INSC: variants seen among roughly 807,000 people sequenced by gnomAD.
INSC encodes the protein protein inscuteable homolog.
In INSC, 67 loss-of-function variants were observed where a neutral mutation model predicts 58.6. That is an observed-to-expected ratio of 1.14 (90% CI 0.94 to 1.40). The LOEUF is 1.40. INSC is among the 40% of genes most tolerant of loss of function. The probability of loss-of-function intolerance (pLI) is 0.00; values close to 1 mark genes in which losing one functional copy is unlikely to be tolerated. For synonymous variants in INSC, 262 were observed against 276.1 expected, an observed-to-expected ratio of 0.95 and a Z score of 0.51; for missense variants, 714 against 692.0, an observed-to-expected ratio of 1.03 and a Z score of -0.36.
At chr11:15,237,977 A>T (rs1317960499) in intron 10 of INSC, among the ~76,000 whole-genome samples, 1 of 152,114 alleles carries the variant, frequency 6.6e-6, no homozygotes, top group Non-Finnish European at 1.5e-5. Flanking sequence ...TCCTTGGGTC[A>T]TGTCTGGCTT....
At chr11:15,161,724 G>A (rs555731504) in intron 2 of INSC, among the ~76,000 whole-genome samples, 9 of 152,248 alleles carry the variant, frequency 5.9e-5, no homozygotes, top group South Asian at 2.1e-4. Flanking sequence ...AGAATTGCCC[G>A]CCACTTACGT....
chr11:15,216,741 C>T (rs1428088821), intron 7 of INSC, among the ~76,000 whole-genome samples: 1 of 152,106 alleles, frequency 6.6e-6, no homozygotes, highest in East Asian at 1.9e-4. Flanking sequence ...AGCTGAGGTT[C>T]CTGGTGAGGT....
intron 2 of INSC, among the ~76,000 whole-genome samples, chr11:15,167,374 TTC>T (rs1849236595): frequency 6.6e-6 from 1 of 152,090 alleles, no homozygotes; most frequent in Admixed American, 6.6e-5. Flanking sequence ...TACTAATTTG[TTC>T]TATGTTTTCT....
intron 12 of INSC, among the ~76,000 whole-genome samples, chr11:15,245,561 A>G (rs1027879388): frequency 6.6e-6 from 1 of 152,172 alleles, no homozygotes; most frequent in Admixed American, 6.5e-5. Context: ...AGTGCTTTCT[A>G]TAGCACCTTG....
At chr11:15,231,189 C>G (rs1474572432) in intron 9 of INSC, among the ~76,000 whole-genome samples, 1 of 152,166 alleles carries the variant, frequency 6.6e-6, no homozygotes, top group Non-Finnish European at 1.5e-5. Flanking sequence ...TCCCTTAGAT[C>G]CCTTAATTCT....
intron 7 of INSC, among the ~76,000 whole-genome samples, chr11:15,212,226 T>C (rs976427403): frequency 6.6e-6 from 1 of 152,110 alleles, no homozygotes; most frequent in Non-Finnish European, 1.5e-5. Context: ...CTCAGCCTCC[T>C]GAGTAGCTAG....
At chr11:15,220,204 C>T (rs780605643) in intron 7 of INSC, among the ~76,000 whole-genome samples, 4 of 152,166 alleles carry the variant, frequency 2.6e-5, no homozygotes, top group Non-Finnish European at 4.4e-5. Flanking sequence ...GGCAGGAAGA[C>T]GCAGGGACAG....
intron 5 of INSC, among the ~76,000 whole-genome samples, chr11:15,183,534 T>A (rs2679634): frequency 0.48 from 72,953 of 151,872 alleles, 18,375 homozygotes; most frequent in East Asian, 0.93. Flanking sequence ...TCTCAAACAG[T>A]GTGTGGCTCT....
At chr11:15,162,910 G>A (rs1849067258) in intron 2 of INSC, among the ~76,000 whole-genome samples, 1 of 152,122 alleles carries the variant, frequency 6.6e-6, no homozygotes, top group Non-Finnish European at 1.5e-5. Flanking sequence ...GTCACAAACT[G>A]AACCTATCAT....
chr11:15,157,857 T>A (rs1040526727), intron 2 of INSC, among the ~76,000 whole-genome samples: 1 of 152,126 alleles, frequency 6.6e-6, no homozygotes, highest in Non-Finnish European at 1.5e-5. Context: ...GATGGGCCCC[T>A]CTGCAAGGCC....
Position 15,160,402 on chromosome 11 carries a change from C to T in INSC, c.56+11172C>T, listed in dbSNP as rs558816483. On this transcript the variant is annotated intron_variant, in intron 2 of 12. Coordinates refer to ENST00000379556, the MANE Select transcript of INSC (RefSeq NM_001042536.3). The stretch of plus-strand genomic sequence containing the variant: ...ATGGTTGGAAATAAGGGGGCAATGA[C>T]CAGATCAGGAAACTGAGGCTCAGAG... Among the ~76,000 whole-genome samples the T allele has an allele frequency of 2.6e-3, 388 of 152,134 alleles. 4 individuals carry two copies. Among genetic ancestry groups the T allele is most frequent in the African/African-American group, 8.6e-3 (355 of 41,500 alleles).
chr11:15,191,283 T>G (rs1236540153), intron 6 of INSC, among the ~76,000 whole-genome samples: 1 of 150,632 alleles, frequency 6.6e-6, no homozygotes, highest in Non-Finnish European at 1.5e-5. Context: ...CCGGCCGGTG[T>G]CTGCATTTTT....
At chr11:15,218,668 G>A (rs10766216) in intron 7 of INSC, among the ~76,000 whole-genome samples, 37,403 of 151,944 alleles carry the variant, frequency 0.25, 5,566 homozygotes, top group East Asian at 0.73. Context: ...GAAGCAAGAC[G>A]ATGGGCAATT....
At position 15,153,832 on chromosome 11, in the gene INSC, G is replaced by T. The variant is rs142321993; in HGVS notation, c.56+4602G>T. 2.5e-3 allele frequency among the ~76,000 whole-genome samples: 374 copies of T among 152,296 alleles called. 3 individuals carry two copies. Among genetic ancestry groups the T allele is most frequent in the African/African-American group, 8.6e-3 (358 of 41,560 alleles). ...ATGGGGAAACTGAGGCCCGGAGAGG[G>T]GAATGTAACTGTCACAATACTCTTC... On this transcript the variant is annotated intron_variant, in intron 2 of 12. Transcript: ENST00000379556.
chr11:15,229,887 A>G (rs551651564), intron 9 of INSC, among the ~76,000 whole-genome samples: 1 of 136,978 alleles, frequency 7.3e-6, no homozygotes, highest in African/African-American at 2.8e-5. Context: ...GCAAAATCCT[A>G]TCTCTATAAA....
Position 15,155,541 on chromosome 11 carries a change from G to A in INSC, c.56+6311G>A, listed in dbSNP as rs547086822. Among the ~76,000 whole-genome samples the A allele has an allele frequency of 9.3e-4, 141 of 152,254 alleles. 1 individual carries two copies. The highest frequency in any genetic ancestry group is 3.1e-3 in the African/African-American group (129 of 41,548). On this transcript the variant is annotated intron_variant, in intron 2 of 12. Coordinates refer to ENST00000379556, the MANE Select transcript of INSC (RefSeq NM_001042536.3). ...GCAATAAACGATCCTGCCCTCATGC[G>A]GACCATATTCTCACATCTCTCCTCC...
Position 15,210,505 on chromosome 11 carries a change from T to TTGTGTGTGTGTGTG in INSC, c.819+9585_819+9598dup, listed in dbSNP as rs56375160. On this transcript the variant is annotated intron_variant, in intron 7 of 12. Coordinates refer to ENST00000379556, the MANE Select transcript of INSC (RefSeq NM_001042536.3). ...TAGATGGAGCTCTGCATTTGAGAGTTTGTGTGTGTGTGTGTGTGTGTGTGT... is the reference window on the plus strand; with the variant it reads ...TAGATGGAGCTCTGCATTTGAGAGTTTGTGTGTGTGTGTGTGTGTGTGTGTGTGTGTGTGTGTGT... Among the ~76,000 whole-genome samples, 178 of 135,544 alleles carry TTGTGTGTGTGTGTG rather than the reference T, an allele frequency of 1.3e-3. 1 individual carries two copies. Among genetic ancestry groups the TTGTGTGTGTGTGTG allele is most frequent in the Non-Finnish European group, 1.9e-3 (118 of 63,408 alleles). 88.9% of individuals were successfully genotyped at this position (135,544 alleles called of 152,430 possible).
At chr11:15,121,507 G>A (rs1328683923) in intron 1 of INSC, among the ~76,000 whole-genome samples, 1 of 152,202 alleles carries the variant, frequency 6.6e-6, no homozygotes, top group African/African-American at 2.4e-5. Flanking sequence ...TTGTCCCAGT[G>A]CTGGTGATGG....
chr11:15,142,524 C>G (rs1027087480), intron 1 of INSC, among the ~76,000 whole-genome samples: 7 of 152,238 alleles, frequency 4.6e-5, no homozygotes, highest in African/African-American at 1.7e-4. Flanking sequence ...TTCTCACCAC[C>G]TTCCATTCTG....
Sources: gnomAD v4.1 joint callset for allele counts (sites outside exome capture counted in the v4.1 genomes callset) on GRCh38, gnomAD v4.1.1 for gene constraint, MANE v1.5 for transcripts, NCBI Gene and HGNC (gene_info 2026-07-23, HGNC 2026-07-21) for gene names.